CACNA1E: variants seen among roughly 807,000 people sequenced by gnomAD.
CACNA1E encodes the protein calcium voltage-gated channel subunit alpha1 E.
CACNA1E carries 40 observed loss-of-function variants against 259.2 expected under a neutral mutation model. The observed-to-expected ratio is 0.15, with a 90% CI of 0.12 to 0.20. The LOEUF (loss-of-function observed/expected upper bound fraction) is 0.20. Among genes scored for constraint, CACNA1E ranks in the 10% least tolerant of loss-of-function variants. The pLI is 1.00. For synonymous variants in CACNA1E, 1,104 were observed against 1,138.5 expected (o/e 0.97, Z 0.61); for missense variants, 1,874 against 3,040.1 (o/e 0.62, Z 9.02).
intron 1 of CACNA1E, among the ~76,000 whole-genome samples, chr1:181,382,818 T>C (rs1407431910): frequency 6.6e-6 from 1 of 152,182 alleles, no homozygotes; most frequent in Non-Finnish European, 1.5e-5. Flanking sequence ...GGTGCTCTGC[T>C]CCAGCTGATC....
intron 3 of CACNA1E, among the ~76,000 whole-genome samples, chr1:181,573,460 A>G (rs1366475750): frequency 1.3e-5 from 2 of 152,204 alleles, no homozygotes; most frequent in African/African-American, 2.4e-5. Context: ...AAGCTTTGCT[A>G]GGAGGCAAGT....
At chr1:181,641,703 G>GTTTTTTTTTTTTT (rs751082929) in intron 6 of CACNA1E, among the ~76,000 whole-genome samples, 9 of 81,114 alleles carry the variant, frequency 1.1e-4, no homozygotes, top group Non-Finnish European at 2.0e-4. Context: ...CTAATTTTTT[G>GTTTTTTTTTTTTT]TTTTTTTTTT....
intron 6 of CACNA1E, among the ~76,000 whole-genome samples, chr1:181,596,425 G>A (rs75157181): frequency 6.6e-6 from 1 of 152,160 alleles, no homozygotes; most frequent in South Asian, 2.1e-4. Flanking sequence ...CTCCACCTGC[G>A]TCGGACTTGT....
intron 1 of CACNA1E, among the ~76,000 whole-genome samples, chr1:181,358,864 T>C (rs1653649866): frequency 1.3e-5 from 2 of 152,230 alleles, no homozygotes; most frequent in South Asian, 4.1e-4. Flanking sequence ...ATGCCAGCCA[T>C]GTTCCTCACT....
At chr1:181,539,229 C>G (rs537656076) in intron 3 of CACNA1E, among the ~76,000 whole-genome samples, 145 of 152,310 alleles carry the variant, frequency 9.5e-4, no homozygotes, top group African/African-American at 3.4e-3. Context: ...CTTCACTCAC[C>G]CAGTTGACAT....
intron 1 of CACNA1E, among the ~76,000 whole-genome samples, chr1:181,344,050 C>A (rs954466604): frequency 2.0e-5 from 3 of 152,184 alleles, no homozygotes; most frequent in African/African-American, 4.8e-5. Context: ...CCTTTCTCAG[C>A]CCCACAAACA....
intron 46 of CACNA1E, among the ~76,000 whole-genome samples, chr1:181,795,480 G>A (rs1488027281): frequency 1.3e-5 from 2 of 151,406 alleles, no homozygotes; most frequent in African/African-American, 2.4e-5. Context: ...TCACTCTGCA[G>A]CACAGGCTAG....
At chr1:181,610,333 G>A (rs1401676821) in intron 6 of CACNA1E, among the ~76,000 whole-genome samples, 2 of 152,182 alleles carry the variant, frequency 1.3e-5, no homozygotes, top group Non-Finnish European at 2.9e-5. Context: ...CTAAGGTTGA[G>A]AACGCTCCTC....
At chr1:181,756,231 G>A in intron 29 of CACNA1E, 138 bp downstream of exon 29, 3 of 778,388 alleles carry the variant, frequency 3.9e-6, no homozygotes, top group Non-Finnish European at 5.7e-6. Context: ...AGGTGACACA[G>A]GCAGAAAAGA....
At chr1:181,601,395 G>A (rs576887693) in intron 6 of CACNA1E, among the ~76,000 whole-genome samples, 98 of 152,132 alleles carry the variant, frequency 6.4e-4, no homozygotes, top group African/African-American at 2.4e-3. Context: ...CCAAACACAC[G>A]GCTCCTCCCC....
chr1:181,777,200 T>C (rs967840041), intron 38 of CACNA1E, among the ~76,000 whole-genome samples: 1 of 152,256 alleles, frequency 6.6e-6, no homozygotes, highest in African/African-American at 2.4e-5. Context: ...GAGAGTTCTA[T>C]GAATGCTTAC....
chr1:181,531,790 C>T (rs1667801767), intron 3 of CACNA1E, among the ~76,000 whole-genome samples: 1 of 152,214 alleles, frequency 6.6e-6, no homozygotes, highest in African/African-American at 2.4e-5. Flanking sequence ...CATGGTGGCT[C>T]ACGCCTGCAA....
intron 37 of CACNA1E, 108 bp downstream of exon 37, chr1:181,772,339 C>T (rs1452393798): frequency 9.4e-7 from 1 of 1,068,766 alleles, no homozygotes; most frequent in Non-Finnish European, 1.4e-6. Context: ...TTGTGCCTCC[C>T]TCCCCTCCTC....
chr1:181,653,891 C>T (rs1465497363), intron 7 of CACNA1E, among the ~76,000 whole-genome samples: 2 of 152,238 alleles, frequency 1.3e-5, no homozygotes, highest in Non-Finnish European at 2.9e-5. Context: ...ATTACATTCA[C>T]CATTCTACAA....
At chr1:181,696,959 CATA>C (rs897841463) in intron 7 of CACNA1E, among the ~76,000 whole-genome samples, 1 of 152,162 alleles carries the variant, frequency 6.6e-6, no homozygotes, top group Non-Finnish European at 1.5e-5. Flanking sequence ...GCTTCCTGCA[CATA>C]ATAAGAATGT....
chr1:181,490,679 G>A (rs570058684), intron 1 of CACNA1E, among the ~76,000 whole-genome samples: 5 of 152,024 alleles, frequency 3.3e-5, no homozygotes, highest in African/African-American at 9.6e-5. Flanking sequence ...GGGCTGCATC[G>A]GTTCTCTTCA....
chr1:181,391,324 C>T (rs80156496), intron 1 of CACNA1E, among the ~76,000 whole-genome samples: 3,148 of 152,264 alleles, frequency 0.021, 124 homozygotes, highest in African/African-American at 0.069. Context: ...CTGTATTAGT[C>T]GGGATCCAGC....
At chr1:181,750,418 A>G in intron 25 of CACNA1E, 58 bp from the exon 26 acceptor site, 2 of 1,552,684 alleles carry the variant, frequency 1.3e-6, no homozygotes, top group Non-Finnish European at 1.8e-6. Flanking sequence ...CCCCAACCCC[A>G]TTTTTTTGTT....
At chr1:181,786,718 G>A (rs1423179036) in intron 43 of CACNA1E, among the ~76,000 whole-genome samples, 1 of 152,164 alleles carries the variant, frequency 6.6e-6, no homozygotes, top group Non-Finnish European at 1.5e-5. Context: ...TTGTGATTGG[G>A]TTTAACAAAG....
Sources: gnomAD v4.1 joint callset for allele counts (sites outside exome capture counted in the v4.1 genomes callset) on GRCh38, gnomAD v4.1.1 for gene constraint, MANE v1.5 for transcripts, NCBI Gene and HGNC (gene_info 2026-07-23, HGNC 2026-07-21) for gene names.